Variants in PTGER4 observed in about 807,000 individuals in gnomAD.
PTGER4 encodes the protein prostaglandin E2 receptor EP4 subtype.
A neutral mutation model predicts 33.2 loss-of-function variants in PTGER4; 11 were observed. That is an observed-to-expected ratio of 0.33 (90% confidence interval 0.21 to 0.55). PTGER4 has a LOEUF of 0.55. PTGER4 is among the 20% of genes least tolerant of loss of function. PTGER4 has a pLI of 0.92. For synonymous variants in PTGER4, 275 were observed against 281.5 expected (o/e 0.98, Z 0.23); for missense variants, 481 against 650.2 (o/e 0.74, Z 2.83).
chr5:40,712,478 G>A, the PTGER4 span, among the ~76,000 whole-genome samples: 78 of 152,236 alleles, frequency 5.1e-4, no homozygotes, highest in African/African-American at 1.8e-3. Context: ...AAAAAGGCTA[G>A]GTTAGAGGAT....
At chr5:40,724,655 C>CA in the PTGER4 span, among the ~76,000 whole-genome samples, 96 of 148,824 alleles carry the variant, frequency 6.5e-4, 1 homozygote, top group East Asian at 0.014. Context: ...AACAAACAAA[C>CA]AAAAAAAAAC....
At chr5:40,703,090 C>T in the PTGER4 span, among the ~76,000 whole-genome samples, 4 of 152,078 alleles carry the variant, frequency 2.6e-5, no homozygotes, top group Admixed American at 6.5e-5. Flanking sequence ...GACCTAACTT[C>T]ACAACTGAAA....
the PTGER4 span, among the ~76,000 whole-genome samples, chr5:40,723,783 C>T: frequency 8.5e-4 from 129 of 151,786 alleles, 1 homozygote; most frequent in East Asian, 0.021. Context: ...GAGAATCACT[C>T]GAACCCGGGA....
At chr5:40,713,762 G>C in the PTGER4 span, among the ~76,000 whole-genome samples, 1 of 152,102 alleles carries the variant, frequency 6.6e-6, no homozygotes, top group Non-Finnish European at 1.5e-5. Context: ...ATTTCAGAAA[G>C]TATATTAAAC....
the PTGER4 span, among the ~76,000 whole-genome samples, chr5:40,734,901 G>A: frequency 1.3e-5 from 2 of 152,176 alleles, no homozygotes; most frequent in Admixed American, 1.3e-4. Flanking sequence ...ACAAATGGAG[G>A]AATGTGATAG....
the PTGER4 span, among the ~76,000 whole-genome samples, chr5:40,705,190 T>A: frequency 6.6e-6 from 1 of 152,074 alleles, no homozygotes; most frequent in African/African-American, 2.4e-5. Context: ...GAGCACCTGA[T>A]CTTTGACAAA....
At position 40,691,316 on chromosome 5, in the gene PTGER4, G is replaced by A. The variant is rs927614785; in HGVS notation, c.868-463G>A. Among the ~76,000 whole-genome samples, 13 of 152,238 alleles carry A rather than the reference G, an allele frequency of 8.5e-5. No individual in the cohort carries two copies. The highest frequency in any genetic ancestry group is 1.6e-4 in the Non-Finnish European group (11 of 68,038). On this transcript the variant is annotated intron_variant, in intron 2 of 2. Transcript: ENST00000302472. The surrounding 1 kb of genome is among the most constrained non-coding windows in gnomAD (Gnocchi z 4.2). ...CCTGCCTCAGCCTCCCGAGTAGCTG[G>A]GACTACAGGCGCATGCCACCACACC...
intron 2 of PTGER4, among the ~76,000 whole-genome samples, chr5:40,690,271 T>C (rs1007604932): frequency 2.6e-5 from 4 of 152,078 alleles, no homozygotes; most frequent in African/African-American, 9.7e-5. Context: ...GCCTAGGGGG[T>C]CAAGGCTGCA....
chr5:40,698,895 G>A, the PTGER4 span, among the ~76,000 whole-genome samples: 11 of 152,102 alleles, frequency 7.2e-5, no homozygotes, highest in Non-Finnish European at 1.2e-4. Flanking sequence ...GAATTATCAC[G>A]TTTGTAGCCA....
the PTGER4 span, among the ~76,000 whole-genome samples, chr5:40,702,856 G>A: frequency 2.0e-5 from 3 of 152,170 alleles, no homozygotes; most frequent in Non-Finnish European, 4.4e-5. Context: ...TCAACACAAT[G>A]AAAATTGCTC....
chr5:40,688,165 T>C (rs761716786), intron 2 of PTGER4, among the ~76,000 whole-genome samples: 1 of 152,170 alleles, frequency 6.6e-6, no homozygotes, highest in Non-Finnish European at 1.5e-5. Context: ...TCCTTTGAGG[T>C]TGTGGTAGGA....
intron 2 of PTGER4, among the ~76,000 whole-genome samples, chr5:40,687,108 C>T (rs1741344006): frequency 6.6e-6 from 1 of 152,084 alleles, no homozygotes; most frequent in Non-Finnish European, 1.5e-5. Flanking sequence ...TGCAATGGCG[C>T]AATCTCAGCT....
At chr5:40,688,368 G>C (rs907586492) in intron 2 of PTGER4, among the ~76,000 whole-genome samples, 1 of 152,054 alleles carries the variant, frequency 6.6e-6, no homozygotes, top group African/African-American at 2.4e-5. Context: ...GCATAAACCC[G>C]GCCGTAGGTC....
chr5:40,717,334 C>T, the PTGER4 span, among the ~76,000 whole-genome samples: 5 of 151,618 alleles, frequency 3.3e-5, no homozygotes, highest in Middle Eastern at 3.4e-3. Context: ...TAGAGAAGCA[C>T]AGAAAGAGTA....
chr5:40,706,263 G>A, the PTGER4 span, among the ~76,000 whole-genome samples: 1 of 152,092 alleles, frequency 6.6e-6, no homozygotes, highest in South Asian at 2.1e-4. Flanking sequence ...ACTTATAAGT[G>A]GGAGCTAAAT....
chr5:40,681,590 C>T lies in PTGER4; in HGVS notation c.597C>T (p.Thr199=). 1 of 1,609,210 alleles carries T rather than the reference C, an allele frequency of 6.2e-7. No homozygotes were observed. Residue 199 remains threonine (T), a synonymous_variant, in exon 2 of 3, where the codon ACC becomes ACT. Coordinates refer to ENST00000302472, the MANE Select transcript of PTGER4 (RefSeq NM_000958.3). This position sits in a 1 kb window ranked among gnomAD's most constrained non-coding sequence, Gnocchi z 9.8. ...AGFSSFLILA[T]VLCNVLVCGA... Reference sequence around the variant, plus strand: ...TCAGCTCCTTCCTCATTCTCGCCACCGTCCTCTGCAACGTGCTTGTGTGCG... The same window carrying T: ...TCAGCTCCTTCCTCATTCTCGCCACTGTCCTCTGCAACGTGCTTGTGTGCG...
At chr5:40,716,239 A>AC in the PTGER4 span, 2 of 1,614,202 alleles carry the variant, frequency 1.2e-6, no homozygotes, top group Non-Finnish European at 1.7e-6. Flanking sequence ...AGACACAATA[A>AC]CCATTGTTTT....
the PTGER4 span, among the ~76,000 whole-genome samples, chr5:40,739,430 A>C: frequency 6.6e-6 from 1 of 152,176 alleles, no homozygotes; most frequent in East Asian, 1.9e-4. Flanking sequence ...ATCTCATGTC[A>C]AATTGTAATC....
At chr5:40,725,115 T>C in the PTGER4 span, among the ~76,000 whole-genome samples, 1 of 151,958 alleles carries the variant, frequency 6.6e-6, no homozygotes, top group Non-Finnish European at 1.5e-5. Context: ...CCCAACATGC[T>C]GGGATTACAG....
Sources: allele counts gnomAD v4.1 joint callset (sites outside exome capture counted in the v4.1 genomes callset), GRCh38; gene constraint gnomAD v4.1.1; non-coding constraint Gnocchi (gnomAD v3.1); transcripts MANE v1.5; gene names NCBI Gene and HGNC (gene_info 2026-07-23, HGNC 2026-07-21).